The following CWF19L2 variants were observed in gnomAD, a reference collection of about 807,000 sequenced individuals.
CWF19L2 encodes CWF19 like cell cycle control factor 2.
In CWF19L2, 98 loss-of-function variants were observed where a neutral mutation model predicts 111.7. The ratio of observed to expected loss-of-function variants is 0.88; its 90% CI spans 0.75 to 1.04. The LOEUF is 1.04. Ranked by LOEUF, CWF19L2 falls within the 50% of genes least tolerant of loss-of-function variation. CWF19L2 has a pLI of 0.00. For synonymous variants in CWF19L2, 351 were observed against 342.9 expected (o/e 1.02, Z -0.26); for missense variants, 1,101 against 1,051.4 (o/e 1.05, Z -0.65).
At chr11:107,403,473 C>T (rs1244916241) in intron 10 of CWF19L2, 12 of 812,292 alleles carry the variant, frequency 1.5e-5, no homozygotes, top group Non-Finnish European at 2.4e-5. Context: ...CTCTCTGAGC[C>T]AGTGTTACTA....
At position 107,456,570 on chromosome 11, in the gene CWF19L2, CT is replaced by C. The variant is rs907328918; in HGVS notation, c.106-795del. 1.9e-3 allele frequency among the ~76,000 whole-genome samples: 270 copies of C among 145,098 alleles called. 1 individual carries two copies. The highest frequency in any genetic ancestry group is 4.5e-3 in the African/African-American group (177 of 39,722). Reference sequence around the variant, plus strand: ...TTTAAAACCTGGCTGTAGTCATTTTCTTTTTTTTTTTAATCAAATATAAAAA... The same window carrying C: ...TTTAAAACCTGGCTGTAGTCATTTTCTTTTTTTTTTAATCAAATATAAAAA... On this transcript the variant is annotated intron_variant, in intron 1 of 17. Transcript: ENST00000282251.
At position 107,326,792 on chromosome 11, in the gene CWF19L2, A is replaced by G. The variant is rs745519730; in HGVS notation, c.*118T>C. 3.0e-5 allele frequency: 23 copies of G among 763,330 alleles called. No homozygotes were observed. The highest frequency in any genetic ancestry group is 4.5e-5 in the Non-Finnish European group (22 of 484,650). 47.3% of individuals were successfully genotyped at this position (763,330 alleles called of 1,614,324 possible). On this transcript the variant is annotated 3_prime_UTR_variant, in exon 18 of 18. Coordinates refer to ENST00000282251, the MANE Select transcript of CWF19L2 (RefSeq NM_152434.3). ...TGATGTACAGTTGTCACTGACCCAG[A>G]GCAGTCTGCTGCTGTGACTCTCTCT...
At chr11:107,403,514 A>C in intron 10 of CWF19L2, 1 of 829,400 alleles carries the variant, frequency 1.2e-6, no homozygotes, top group Non-Finnish European at 2.1e-6. Context: ...CATACTGTCA[A>C]CCCCCTCCTG....
intron 12 of CWF19L2, among the ~76,000 whole-genome samples, chr11:107,378,683 G>A (rs1860633771): frequency 6.6e-6 from 1 of 151,966 alleles, no homozygotes; most frequent in South Asian, 2.1e-4. Flanking sequence ...CGAGTTAGTG[G>A]GTGCAGCGCA....
intron 12 of CWF19L2, among the ~76,000 whole-genome samples, chr11:107,368,078 A>G (rs1860457584): frequency 7.5e-6 from 1 of 133,050 alleles, no homozygotes. Flanking sequence ...ACCTGAAATT[A>G]GCAGAAGAAA....
intron 4 of CWF19L2, 61 bp from the exon 5 acceptor site, chr11:107,441,683 T>C: frequency 7.1e-7 from 1 of 1,400,010 alleles, no homozygotes. Flanking sequence ...TCTGAACTGA[T>C]TAGAATTTAA....
intron 6 of CWF19L2, among the ~76,000 whole-genome samples, chr11:107,436,254 A>G (rs1354804694): frequency 2.0e-5 from 3 of 152,112 alleles, no homozygotes; most frequent in Non-Finnish European, 2.9e-5. Flanking sequence ...AGAAAAAGAT[A>G]TATCAAATAA....
chr11:107,336,478 A>T (rs1280539194), intron 15 of CWF19L2, 80 bp downstream of exon 15: 3 of 1,157,400 alleles, frequency 2.6e-6, no homozygotes, highest in Non-Finnish European at 3.7e-6. Context: ...GGAGAAAAAT[A>T]TGTTAATAAA....
In CWF19L2 at chr11:107,372,594, T is replaced by C. The variant is rs1375341260; in HGVS notation, c.1872+17480A>G. On this transcript the variant is annotated intron_variant, in intron 12 of 17. Coordinates refer to ENST00000282251, the MANE Select transcript of CWF19L2 (RefSeq NM_152434.3). ...AACAGCAACAAAATACCATTCAAAA[T>C]GTTTAAACCTAGGGACTAAAGGATG... 1.5e-5 allele frequency among the ~76,000 whole-genome samples: 2 copies of C among 136,528 alleles called. 1 individual carries two copies. Among genetic ancestry groups the C allele is most frequent in the Admixed American group, 1.4e-4 (2 of 14,050 alleles). 89.6% of individuals were successfully genotyped at this position (136,528 alleles called of 152,430 possible). A position where few individuals can be genotyped will look rare whatever the true frequency, so the allele number is the denominator to read the frequency against.
At chr11:107,448,302 G>A (rs903401130) in intron 3 of CWF19L2, among the ~76,000 whole-genome samples, 3 of 123,642 alleles carry the variant, frequency 2.4e-5, no homozygotes, top group African/African-American at 6.3e-5. Context: ...CTGAGATCAC[G>A]CCACTGCACT....
chr11:107,337,312 A>G (rs1859939866), intron 14 of CWF19L2, among the ~76,000 whole-genome samples: 1 of 151,976 alleles, frequency 6.6e-6, no homozygotes, highest in Admixed American at 6.6e-5. Flanking sequence ...CCAAGGAACT[A>G]AGTATTATTA....
At chr11:107,428,771 C>T in intron 8 of CWF19L2, 28 bp downstream of exon 8, 1 of 1,543,002 alleles carries the variant, frequency 6.5e-7, no homozygotes, top group South Asian at 1.2e-5. Flanking sequence ...TGGATCTTAA[C>T]TTATTAGGTT....
intron 12 of CWF19L2, among the ~76,000 whole-genome samples, chr11:107,387,052 CAA>C (rs57294810): frequency 9.0e-5 from 11 of 122,372 alleles, no homozygotes; most frequent in Admixed American, 1.7e-4. Flanking sequence ...GACCCCGTCT[CAA>C]AAAAAAAAAA....
intron 11 of CWF19L2, among the ~76,000 whole-genome samples, chr11:107,392,094 T>C (rs58348966): frequency 0.013 from 1,973 of 152,254 alleles, 24 homozygotes; most frequent in South Asian, 0.039. Flanking sequence ...GACATATCCA[T>C]CCCACTTCTA....
intron 12 of CWF19L2, among the ~76,000 whole-genome samples, chr11:107,381,698 T>C (rs532153116): frequency 2.5e-4 from 38 of 152,292 alleles, no homozygotes; most frequent in African/African-American, 8.9e-4. Flanking sequence ...GGTATATCAC[T>C]TAATCTCTCA....
intron 10 of CWF19L2, chr11:107,404,261 TC>T: frequency 1.3e-6 from 1 of 779,046 alleles, no homozygotes; most frequent in Non-Finnish European, 2.4e-6. Context: ...TTGTTTTTCT[TC>T]ATCAGTGAGA....
At position 107,423,939 on chromosome 11, in the gene CWF19L2, GTA is replaced by G. The variant is rs1317161466; in HGVS notation, c.1433+4858_1433+4859del. Among the ~76,000 whole-genome samples, 6 of 149,188 alleles carry G rather than the reference GTA, an allele frequency of 4.0e-5. No individual in the cohort carries two copies. The East Asian group carries it at 1.2e-3, about 29-fold the overall frequency. Reference sequence around the variant, plus strand: ...TAATATATATGAGCAAAAAAAAAAAGTATAAATACCTAAAAACAGGGTACTAA... The same window carrying G: ...TAATATATATGAGCAAAAAAAAAAAGTAAATACCTAAAAACAGGGTACTAA... On this transcript the variant is annotated intron_variant, in intron 8 of 17. Transcript: ENST00000282251.
chr11:107,385,883 T>C (rs1860758054), intron 12 of CWF19L2, among the ~76,000 whole-genome samples: 1 of 152,204 alleles, frequency 6.6e-6, no homozygotes, highest in African/African-American at 2.4e-5. Context: ...ATAAGAGAGT[T>C]TGTGTTCAAG....
chr11:107,397,108 G>A (rs942171019), intron 10 of CWF19L2, among the ~76,000 whole-genome samples: 2 of 152,148 alleles, frequency 1.3e-5, no homozygotes, highest in Non-Finnish European at 2.9e-5. Flanking sequence ...ACTCCACAGG[G>A]AAAAGGAATT....
Sources: allele counts gnomAD v4.1 joint callset (sites outside exome capture counted in the v4.1 genomes callset), GRCh38; gene constraint gnomAD v4.1.1; transcripts MANE v1.5; gene names NCBI Gene and HGNC (gene_info 2026-07-23, HGNC 2026-07-21).